The following PIGK variants were observed in gnomAD, a reference collection of about 807,000 sequenced individuals.
PIGK encodes phosphatidylinositol glycan anchor biosynthesis class K, also known as GPI-anchor transamidase.
In PIGK, 42 loss-of-function variants were observed where a neutral mutation model predicts 50.6. The ratio of observed to expected loss-of-function variants is 0.83; its 90% confidence interval spans 0.65 to 1.07. PIGK has a LOEUF of 1.07. Ranked by LOEUF, PIGK falls within the 50% of genes least tolerant of loss-of-function variation. The pLI is 0.00. For synonymous variants in PIGK, 151 were observed against 156.0 expected (o/e 0.97, Z 0.24); for missense variants, 448 against 488.7 (o/e 0.92, Z 0.78).
intron 3 of PIGK, among the ~76,000 whole-genome samples, chr1:77,186,504 A>G (rs1274949389): frequency 6.6e-6 from 1 of 152,226 alleles, no homozygotes; most frequent in Non-Finnish European, 1.5e-5. Context: ...AAAATTGGTG[A>G]CAAAGAAATT....
At chr1:77,192,981 A>G (rs1655944739) in intron 3 of PIGK, among the ~76,000 whole-genome samples, 1 of 152,154 alleles carries the variant, frequency 6.6e-6, no homozygotes, top group Non-Finnish European at 1.5e-5. Flanking sequence ...AGAGATGGAT[A>G]CCACTTTAAA....
At chr1:77,125,250 C>T (rs1328150958) in intron 9 of PIGK, among the ~76,000 whole-genome samples, 1 of 152,054 alleles carries the variant, frequency 6.6e-6, no homozygotes, top group African/African-American at 2.4e-5. Flanking sequence ...AAACATGTTT[C>T]TGTATTTTTT....
At chr1:77,193,348 T>C (rs1370134959) in intron 3 of PIGK, among the ~76,000 whole-genome samples, 1 of 151,682 alleles carries the variant, frequency 6.6e-6, no homozygotes, top group East Asian at 1.9e-4. Flanking sequence ...TTACAATGGC[T>C]GAGCAGAATA....
chr1:77,168,430 A>G (rs1341697725), intron 4 of PIGK, among the ~76,000 whole-genome samples: 1 of 152,178 alleles, frequency 6.6e-6, no homozygotes, highest in East Asian at 1.9e-4. Flanking sequence ...CTTGTTGGCC[A>G]ACAAGGAAGG....
At chr1:77,106,563 C>T (rs1653682673) in intron 10 of PIGK, among the ~76,000 whole-genome samples, 1 of 152,014 alleles carries the variant, frequency 6.6e-6, no homozygotes, top group African/African-American at 2.4e-5. Flanking sequence ...AAAAATGAAT[C>T]TTATAATTAC....
chr1:77,209,882 G>A (rs1488701080), intron 2 of PIGK, among the ~76,000 whole-genome samples: 1 of 151,968 alleles, frequency 6.6e-6, no homozygotes, highest in Admixed American at 6.6e-5. Flanking sequence ...TATGAAGAGG[G>A]AAAGGGCTTG....
intron 4 of PIGK, among the ~76,000 whole-genome samples, chr1:77,168,115 AC>A (rs1222047637): frequency 1.3e-5 from 2 of 152,224 alleles, no homozygotes; most frequent in African/African-American, 4.8e-5. Context: ...GGTATCTTTA[AC>A]ATGTAAAAAA....
chr1:77,182,058 A>G (rs1033326649), intron 3 of PIGK, among the ~76,000 whole-genome samples: 1 of 152,250 alleles, frequency 6.6e-6, no homozygotes, highest in Non-Finnish European at 1.5e-5. Flanking sequence ...ATCAGAAATA[A>G]AAACTGAAAA....
At chr1:77,126,136 T>C (rs2100531060) in intron 9 of PIGK, among the ~76,000 whole-genome samples, 1 of 152,322 alleles carries the variant, frequency 6.6e-6, no homozygotes, top group African/African-American at 2.4e-5. Flanking sequence ...GCTTGTTTAA[T>C]ATAGGTTATT....
At chr1:77,186,330 G>A (rs1312914083) in intron 3 of PIGK, among the ~76,000 whole-genome samples, 1 of 152,232 alleles carries the variant, frequency 6.6e-6, no homozygotes, top group Non-Finnish European at 1.5e-5. Flanking sequence ...CTGAAGGACA[G>A]CGGTAAAGGG....
intron 9 of PIGK, among the ~76,000 whole-genome samples, chr1:77,124,046 C>T (rs767652602): frequency 6.6e-5 from 10 of 151,774 alleles, no homozygotes; most frequent in Admixed American, 2.6e-4. Context: ...GCCATCTACA[C>T]GTCAAGGAGA....
chr1:77,218,019 A>C (rs1656620375), intron 1 of PIGK, among the ~76,000 whole-genome samples: 1 of 152,226 alleles, frequency 6.6e-6, no homozygotes, highest in South Asian at 2.1e-4. Context: ...TAAACATCAA[A>C]TATATAAATT....
At chr1:77,155,675 G>A (rs1048865335) in intron 8 of PIGK, among the ~76,000 whole-genome samples, 1 of 152,022 alleles carries the variant, frequency 6.6e-6, no homozygotes, top group Admixed American at 6.6e-5. Flanking sequence ...AGCAGTTGCA[G>A]AGACGTGCAA....
At chr1:77,156,199 C>T (rs891639024) in intron 8 of PIGK, among the ~76,000 whole-genome samples, 1 of 152,120 alleles carries the variant, frequency 6.6e-6, no homozygotes, top group East Asian at 1.9e-4. Context: ...CTGAAGATCT[C>T]TTGGGTATTC....
intron 10 of PIGK, among the ~76,000 whole-genome samples, chr1:77,100,230 A>G (rs1653511070): frequency 6.6e-6 from 1 of 152,234 alleles, no homozygotes; most frequent in Non-Finnish European, 1.5e-5. Flanking sequence ...TATAATGAGC[A>G]TATGAGTTCA....
At chr1:77,123,962 C>T (rs1472643342) in intron 9 of PIGK, among the ~76,000 whole-genome samples, 1 of 151,690 alleles carries the variant, frequency 6.6e-6, no homozygotes, top group Non-Finnish European at 1.5e-5. Context: ...TCAAATATGA[C>T]TGGTATCTTT....
intron 10 of PIGK, 47 bp downstream of exon 10, chr1:77,122,228 C>G (rs780400967): frequency 8.3e-7 from 1 of 1,198,982 alleles, no homozygotes; most frequent in Non-Finnish European, 1.2e-6. Flanking sequence ...TACTTCTCAG[C>G]GATTAAAAAT....
At chr1:77,194,785 A>G (rs1454553807) in intron 3 of PIGK, 1 of 362,642 alleles carries the variant, frequency 2.8e-6, no homozygotes, top group East Asian at 7.0e-5. Context: ...TCCTGAACCT[A>G]AAATAAACGT....
intron 9 of PIGK, among the ~76,000 whole-genome samples, chr1:77,137,549 C>T (rs1280595950): frequency 2.0e-5 from 3 of 151,030 alleles, no homozygotes; most frequent in African/African-American, 7.3e-5. Flanking sequence ...TTGTGTAATC[C>T]TTCATTTCTT....
Sources: gnomAD v4.1 joint callset for allele counts (sites outside exome capture counted in the v4.1 genomes callset) on GRCh38, gnomAD v4.1.1 for gene constraint, MANE v1.5 for transcripts, NCBI Gene and HGNC (gene_info 2026-07-23, HGNC 2026-07-21) for gene names.